The following NXPE2 variants were observed in gnomAD, a reference collection of about 807,000 sequenced individuals.
NXPE2 encodes the protein NXPE family member 2.
A neutral mutation model predicts 34.4 loss-of-function variants in NXPE2; 34 were observed. The ratio of observed to expected loss-of-function variants is 0.99; its 90% CI spans 0.75 to 1.31. NXPE2 has a LOEUF of 1.31. NXPE2 is among the 40% of genes most tolerant of loss of function. The pLI is 0.00. For missense variants in NXPE2, 649 were observed against 672.5 expected (o/e 0.97, Z 0.39); for synonymous variants, 235 against 231.3 (o/e 1.02, Z -0.15).
chr11:114,577,024 T>C, the NXPE2 span, among the ~76,000 whole-genome samples: 11 of 20,934 alleles, frequency 5.3e-4, no homozygotes, highest in South Asian at 1.8e-3. Flanking sequence ...TATATATATA[T>C]ATACATATAT....
At chr11:114,565,068 C>T in the NXPE2 span, among the ~76,000 whole-genome samples, 1 of 152,176 alleles carries the variant, frequency 6.6e-6, no homozygotes, top group Non-Finnish European at 1.5e-5. Flanking sequence ...GCAACAGGAA[C>T]AGTACAGCGA....
At chr11:114,498,164 A>G in the NXPE2 span, among the ~76,000 whole-genome samples, 2 of 152,086 alleles carry the variant, frequency 1.3e-5, no homozygotes, top group Non-Finnish European at 2.9e-5. Flanking sequence ...TAAACTAATT[A>G]TCTTACTGAC....
the NXPE2 span, among the ~76,000 whole-genome samples, chr11:114,800,182 G>GAACA: frequency 6.6e-6 from 1 of 152,174 alleles, no homozygotes; most frequent in African/African-American, 2.4e-5. Flanking sequence ...CAGCAGTACA[G>GAACA]AACAAACAGC....
At chr11:114,507,692 A>G in the NXPE2 span, among the ~76,000 whole-genome samples, 1 of 152,156 alleles carries the variant, frequency 6.6e-6, no homozygotes, top group African/African-American at 2.4e-5. Flanking sequence ...GTAAAATTCA[A>G]CATCCATTCA....
At chr11:114,563,837 T>A in the NXPE2 span, among the ~76,000 whole-genome samples, 2 of 152,304 alleles carry the variant, frequency 1.3e-5, no homozygotes, top group East Asian at 3.9e-4. Context: ...TTGGTGTGGA[T>A]GTAGTGAAAA....
the NXPE2 span, among the ~76,000 whole-genome samples, chr11:114,813,529 A>G: frequency 3.3e-5 from 5 of 152,278 alleles, no homozygotes; most frequent in Admixed American, 2.0e-4. Flanking sequence ...TCATCTGTGC[A>G]TGTTCATTTA....
At chr11:114,523,232 C>T in the NXPE2 span, 1 of 631,746 alleles carries the variant, frequency 1.6e-6, no homozygotes, top group Admixed American at 2.9e-5. Context: ...TAGTCCTATT[C>T]TTTGATCATT....
intron 2 of NXPE2, among the ~76,000 whole-genome samples, chr11:114,682,270 A>C (rs1189129702): frequency 6.6e-6 from 1 of 152,198 alleles, no homozygotes; most frequent in Non-Finnish European, 1.5e-5. Flanking sequence ...ATAGGGGCCC[A>C]CATGCTGGTC....
chr11:114,498,375 G>A, the NXPE2 span, among the ~76,000 whole-genome samples: 1 of 152,000 alleles, frequency 6.6e-6, no homozygotes, highest in African/African-American at 2.4e-5. Flanking sequence ...ATCCTGATTT[G>A]ATCATTAGAC....
chr11:114,615,509 A>C, the NXPE2 span, among the ~76,000 whole-genome samples: 1 of 145,942 alleles, frequency 6.9e-6, no homozygotes, highest in South Asian at 2.2e-4. Context: ...TGGATAATAC[A>C]TGTTGCCTCA....
chr11:114,643,261 T>C, the NXPE2 span, among the ~76,000 whole-genome samples: 1 of 152,174 alleles, frequency 6.6e-6, no homozygotes, highest in Non-Finnish European at 1.5e-5. Flanking sequence ...TTTAGTTTAA[T>C]TAGATCCCAT....
Position 114,698,641 on chromosome 11 carries a change from G to A in NXPE2, c.729G>A (p.Gln243=). ...TAAACACAAATGCTGAACTGTGCCA[G>A]TACATGGATGACAGAGACCAAGAAG... The part of the protein sequence containing the change: ...LTLNTNAELC[Q]YMDDRDQEAF... The change falls in exon 3 of 6, where the codon CAG becomes CAA. Residue 243 remains glutamine, a synonymous_variant. Transcript: ENST00000389586. The A allele has an allele frequency of 6.2e-7, 1 of 1,614,200 alleles. No individual in the cohort carries two copies. The highest frequency in any genetic ancestry group is 8.5e-7 in the Non-Finnish European group (1 of 1,180,022).
At chr11:114,564,919 C>G in the NXPE2 span, among the ~76,000 whole-genome samples, 3 of 152,124 alleles carry the variant, frequency 2.0e-5, no homozygotes, top group Non-Finnish European at 2.9e-5. Flanking sequence ...AAAAGATTAT[C>G]TCTCTAGTTG....
the NXPE2 span, among the ~76,000 whole-genome samples, chr11:114,561,556 AT>A: frequency 1.3e-5 from 2 of 152,152 alleles, no homozygotes; most frequent in Admixed American, 1.3e-4. Flanking sequence ...CTGAGTACAT[AT>A]TTTTTCTTCC....
At chr11:114,808,903 T>C in the NXPE2 span, among the ~76,000 whole-genome samples, 3 of 152,126 alleles carry the variant, frequency 2.0e-5, no homozygotes, top group African/African-American at 7.2e-5. Context: ...AAGAGAATTT[T>C]AGACCAATAT....
At chr11:114,482,858 A>G in the NXPE2 span, among the ~76,000 whole-genome samples, 1 of 152,182 alleles carries the variant, frequency 6.6e-6, no homozygotes, top group Non-Finnish European at 1.5e-5. Context: ...AGATCTGCGA[A>G]TGTACAATCA....
At chr11:114,494,454 C>A in the NXPE2 span, among the ~76,000 whole-genome samples, 1 of 151,920 alleles carries the variant, frequency 6.6e-6, no homozygotes, top group Non-Finnish European at 1.5e-5. Flanking sequence ...CTCACTAATT[C>A]TTTCTTCTCC....
the NXPE2 span, among the ~76,000 whole-genome samples, chr11:114,509,399 G>A: frequency 6.6e-6 from 1 of 152,062 alleles, no homozygotes; most frequent in African/African-American, 2.4e-5. Context: ...AATACCAATC[G>A]ACCCAGCAGT....
At chr11:114,498,595 A>G in the NXPE2 span, among the ~76,000 whole-genome samples, 1 of 152,280 alleles carries the variant, frequency 6.6e-6, no homozygotes, top group African/African-American at 2.4e-5. Flanking sequence ...ATCATTAACC[A>G]TAATATTGGC....
Sources: allele counts gnomAD v4.1 joint callset (sites outside exome capture counted in the v4.1 genomes callset), GRCh38; gene constraint gnomAD v4.1.1; transcripts MANE v1.5; gene names NCBI Gene and HGNC (gene_info 2026-07-23, HGNC 2026-07-21).